PLCB1: variants seen among roughly 807,000 people sequenced by gnomAD.
The protein encoded by PLCB1 is phospholipase C beta 1.
In PLCB1, 46 loss-of-function variants were observed where a neutral mutation model predicts 161.8. The ratio of observed to expected loss-of-function variants is 0.28; its 90% CI spans 0.22 to 0.36. The LOEUF is 0.36. Ranked by LOEUF, PLCB1 falls within the 10% of genes least tolerant of loss-of-function variation. The probability of loss-of-function intolerance (pLI) is 1.00; values close to 1 mark genes in which losing one functional copy is unlikely to be tolerated. For synonymous variants in PLCB1, 517 were observed against 503.7 expected, an observed-to-expected ratio of 1.03 and a Z score of -0.35; for missense variants, 1,016 against 1,472.5, an observed-to-expected ratio of 0.69 and a Z score of 5.07.
chr20:8,553,174 T>C (rs1985830006), intron 3 of PLCB1, among the ~76,000 whole-genome samples: 1 of 152,204 alleles, frequency 6.6e-6, no homozygotes, highest in African/African-American at 2.4e-5. Context: ...ATGTGTTTTA[T>C]AGTTTCTCAT....
chr20:8,850,904 T>G (rs1027066836), intron 31 of PLCB1, among the ~76,000 whole-genome samples: 22 of 152,244 alleles, frequency 1.4e-4, no homozygotes, highest in African/African-American at 5.3e-4. Context: ...CTGTCTCTGA[T>G]GCTCCTATTC....
At chr20:8,521,382 G>T (rs1984342756) in intron 3 of PLCB1, among the ~76,000 whole-genome samples, 1 of 151,898 alleles carries the variant, frequency 6.6e-6, no homozygotes, top group African/African-American at 2.4e-5. Context: ...TGATGGCCAA[G>T]GTACTTTCAC....
At chr20:8,771,265 TAA>T (rs1339744165) in intron 26 of PLCB1, among the ~76,000 whole-genome samples, 1 of 152,216 alleles carries the variant, frequency 6.6e-6, no homozygotes, top group Non-Finnish European at 1.5e-5. Context: ...TTGGATATAT[TAA>T]GTTAAATAAA....
intron 2 of PLCB1, among the ~76,000 whole-genome samples, chr20:8,194,470 A>G (rs2052002428): frequency 6.6e-6 from 1 of 152,078 alleles, no homozygotes; most frequent in Non-Finnish European, 1.5e-5. Flanking sequence ...TAAATTAACC[A>G]TACTTCTTGT....
At chr20:8,310,199 GAA>G (rs1473046595) in intron 2 of PLCB1, among the ~76,000 whole-genome samples, 1 of 151,988 alleles carries the variant, frequency 6.6e-6, no homozygotes, top group Non-Finnish European at 1.5e-5. Flanking sequence ...CATCCCTTTG[GAA>G]ATATTTTCTT....
At chr20:8,454,776 T>C (rs1981224895) in intron 3 of PLCB1, among the ~76,000 whole-genome samples, 1 of 152,224 alleles carries the variant, frequency 6.6e-6, no homozygotes, top group African/African-American at 2.4e-5. Flanking sequence ...GCATTGTTTC[T>C]CTGTTTCCCT....
At chr20:8,387,778 A>C (rs2136277) in intron 3 of PLCB1, among the ~76,000 whole-genome samples, 8 of 151,886 alleles carry the variant, frequency 5.3e-5, no homozygotes, top group African/African-American at 1.4e-4. Context: ...AGAAAGTTGC[A>C]TGGTGGTTGC....
In PLCB1 at chr20:8,169,783, A is replaced by C. The variant is rs1265239547; in HGVS notation, c.177+19412A>C. On this transcript the variant is annotated intron_variant, in intron 2 of 31. Coordinates refer to ENST00000338037, the MANE Select transcript of PLCB1 (RefSeq NM_015192.4). ...ACAGGGTGCGTGGTGCATGTGGCCT[A>C]GTCTACAATTGCTTCTGGCCTATTG... Among the ~76,000 whole-genome samples the C allele has an allele frequency of 2.0e-5, 3 of 152,144 alleles. No homozygotes were observed. In the East Asian group the frequency reaches 5.8e-4, roughly 29 times the overall value.
chr20:8,842,599 G>A (rs912389835), intron 31 of PLCB1, among the ~76,000 whole-genome samples: 2 of 152,108 alleles, frequency 1.3e-5, no homozygotes, highest in Admixed American at 6.5e-5. Flanking sequence ...TGGGAGCATC[G>A]GCAGACTTAT....
chr20:8,138,841 C>T (rs2051373895), intron 1 of PLCB1, among the ~76,000 whole-genome samples: 1 of 152,080 alleles, frequency 6.6e-6, no homozygotes, highest in African/African-American at 2.4e-5. Flanking sequence ...ATTTTATTAT[C>T]ATTACCATGT....
At chr20:8,345,502 C>T (rs909859087) in intron 2 of PLCB1, among the ~76,000 whole-genome samples, 2 of 152,160 alleles carry the variant, frequency 1.3e-5, no homozygotes, top group African/African-American at 4.8e-5. Context: ...AGCAAATGAT[C>T]GTAGTTGCCT....
At chr20:8,515,686 A>G (rs1984077976) in intron 3 of PLCB1, among the ~76,000 whole-genome samples, 1 of 152,180 alleles carries the variant, frequency 6.6e-6, no homozygotes, top group Non-Finnish European at 1.5e-5. Flanking sequence ...ATATAAAGAA[A>G]AGTTCATATA....
chr20:8,667,541 AG>A (rs1442424028), intron 9 of PLCB1, among the ~76,000 whole-genome samples: 6 of 152,194 alleles, frequency 3.9e-5, no homozygotes, highest in Non-Finnish European at 7.3e-5. Context: ...GGAAAGGCAA[AG>A]GCCTGGCCTA....
intron 2 of PLCB1, among the ~76,000 whole-genome samples, chr20:8,283,009 A>G (rs1982948313): frequency 6.6e-6 from 1 of 152,106 alleles, no homozygotes; most frequent in Non-Finnish European, 1.5e-5. Context: ...CTCCCTCCAT[A>G]TTGTTGCTAT....
chr20:8,581,730 G>C (rs891621260), intron 3 of PLCB1, among the ~76,000 whole-genome samples: 7 of 152,096 alleles, frequency 4.6e-5, no homozygotes, highest in Non-Finnish European at 7.4e-5. Context: ...AGGATGGTTG[G>C]TCATCCTAAG....
In PLCB1 at chr20:8,788,510, A is replaced by G. The variant is rs776994571; in HGVS notation, c.3173A>G (p.Lys1058Arg). The G allele has an allele frequency of 1.2e-6, 2 of 1,613,590 alleles. No homozygotes were observed. The highest frequency in any genetic ancestry group is 1.7e-5 in the Admixed American group (1 of 59,976). Residue 1058 changes from lysine (K) to arginine (R), a missense_variant, in exon 28 of 32, where the codon AAA (lysine) becomes AGA (arginine). This residue lies in a region of PLCB1 where 398 missense variants were observed against 445.4 expected (regional missense o/e 0.89). Coordinates refer to ENST00000338037, the MANE Select transcript of PLCB1 (RefSeq NM_015192.4). ...ECQNNQLKKL[K>R]EICEKEKKEL... The stretch of plus-strand genomic sequence containing the variant: ...CAGAACAATCAGTTAAAGAAGCTCA[A>G]AGAAATCTGTGAGAAGTAAGCCCTC...
chr20:8,580,701 T>C (rs1600167395), intron 3 of PLCB1, among the ~76,000 whole-genome samples: 1 of 152,246 alleles, frequency 6.6e-6, no homozygotes, highest in African/African-American at 2.4e-5. Flanking sequence ...AAATGCCATT[T>C]ATGCTTTCAA....
At chr20:8,379,379 C>T (rs1436034092) in intron 3 of PLCB1, among the ~76,000 whole-genome samples, 1 of 152,154 alleles carries the variant, frequency 6.6e-6, no homozygotes, top group Non-Finnish European at 1.5e-5. Context: ...GGTTCCCTAA[C>T]TTTGCTATTG....
Position 8,788,672 on chromosome 20 carries a change from G to A in PLCB1, c.3228G>A (p.Arg1076=). 1 of 1,611,850 alleles carries A rather than the reference G, an allele frequency of 6.2e-7. No individual in the cohort carries two copies. The highest frequency in any genetic ancestry group is 8.5e-7 in the Non-Finnish European group (1 of 1,179,016). ...TAAAGAAGAAAATGGATAAAAAGAG[G>A]CAGGAGAAGATAACAGAAGCTAAAT... The part of the protein sequence containing the change: ...KELKKKMDKK[R]QEKITEAKSK... Residue 1076 remains arginine (R), a synonymous_variant, in exon 29 of 32, where the codon AGG becomes AGA. Coordinates refer to ENST00000338037, the MANE Select transcript of PLCB1 (RefSeq NM_015192.4).
Sources: gnomAD v4.1 joint callset for allele counts (sites outside exome capture counted in the v4.1 genomes callset) on GRCh38, gnomAD v4.1.1 for gene constraint, gnomAD v4.1.1 regional missense constraint, MANE v1.5 for transcripts, NCBI Gene and HGNC (gene_info 2026-07-23, HGNC 2026-07-21) for gene names.